The following DPYD variants were observed in gnomAD, a reference collection of about 807,000 sequenced individuals.
DPYD encodes dihydropyrimidine dehydrogenase, also known as dihydropyrimidine dehydrogenase [NADP(+)].
A neutral mutation model predicts 116.2 loss-of-function variants in DPYD; 109 were observed. That is an observed-to-expected ratio of 0.94 (90% CI 0.80 to 1.10). The LOEUF (loss-of-function observed/expected upper bound fraction) is 1.10, where lower values mean the gene tolerates loss of function less well. Among genes scored for constraint, DPYD ranks in the 50% least tolerant of loss-of-function variants. The pLI is 0.00. For missense variants in DPYD, 1,302 were observed against 1,254.5 expected (o/e 1.04, Z -0.57); for synonymous variants, 440 against 432.0 (o/e 1.02, Z -0.23).
chr1:97,552,257 C>T (rs1489672778), intron 11 of DPYD, among the ~76,000 whole-genome samples: 1 of 152,078 alleles, frequency 6.6e-6, no homozygotes, highest in Non-Finnish European at 1.5e-5. Context: ...CACTTGAGCA[C>T]AGTGAATTGT....
chr1:97,177,171 T>G (rs1015176982), intron 20 of DPYD, among the ~76,000 whole-genome samples: 3 of 152,196 alleles, frequency 2.0e-5, no homozygotes, highest in African/African-American at 7.2e-5. Context: ...AGGGCACAAT[T>G]ATATTACTGT....
intron 13 of DPYD, among the ~76,000 whole-genome samples, chr1:97,461,260 C>A (rs985885130): frequency 1.3e-5 from 2 of 152,114 alleles, no homozygotes; most frequent in African/African-American, 4.8e-5. Flanking sequence ...ATTTGGCACT[C>A]CTTAGAGTCT....
chr1:97,845,465 A>G (rs1307619594), intron 2 of DPYD, among the ~76,000 whole-genome samples: 2 of 152,054 alleles, frequency 1.3e-5, no homozygotes, highest in East Asian at 3.9e-4. Flanking sequence ...TTCTGCTGAG[A>G]GCTGGACACT....
At chr1:97,817,989 T>C (rs1363829471) in intron 3 of DPYD, among the ~76,000 whole-genome samples, 1 of 152,038 alleles carries the variant, frequency 6.6e-6, no homozygotes, top group Non-Finnish European at 1.5e-5. Flanking sequence ...GCACTTTTCT[T>C]TGGTAGCAAA....
intron 1 of DPYD, among the ~76,000 whole-genome samples, chr1:97,905,104 G>C (rs950599062): frequency 3.3e-5 from 5 of 151,922 alleles, no homozygotes; most frequent in Admixed American, 2.6e-4. Flanking sequence ...ATAGATTCTG[G>C]ATTTATTTCA....
chr1:97,172,086 A>G (rs552009852), intron 20 of DPYD, among the ~76,000 whole-genome samples: 2 of 152,334 alleles, frequency 1.3e-5, no homozygotes, highest in East Asian at 1.9e-4. Context: ...AACAGTTAAG[A>G]AATCCAGGTG....
chr1:97,706,150 C>T (rs1035697891), intron 5 of DPYD, among the ~76,000 whole-genome samples: 4 of 151,846 alleles, frequency 2.6e-5, no homozygotes, highest in African/African-American at 4.8e-5. Flanking sequence ...TAAATTCATA[C>T]ATTCTGATAA....
chr1:97,720,297 A>C (rs571361040), intron 5 of DPYD: 1 of 985,434 alleles, frequency 1.0e-6, no homozygotes. Context: ...CCTTTCACTT[A>C]CTGCATCTGT....
At chr1:97,257,634 A>C (rs969353597) in intron 18 of DPYD, among the ~76,000 whole-genome samples, 2 of 151,874 alleles carry the variant, frequency 1.3e-5, no homozygotes, top group African/African-American at 4.8e-5. Context: ...AATTTAAAAA[A>C]AGTTTCATAC....
chr1:97,196,883 A>C (rs149337356), intron 19 of DPYD, among the ~76,000 whole-genome samples: 1 of 152,220 alleles, frequency 6.6e-6, no homozygotes, highest in Non-Finnish European at 1.5e-5. Flanking sequence ...CGTTTTTAAA[A>C]ATTTAATCAA....
chr1:97,891,225 C>T (rs1411738726), intron 1 of DPYD, among the ~76,000 whole-genome samples: 2 of 151,804 alleles, frequency 1.3e-5, no homozygotes, highest in Non-Finnish European at 2.9e-5. Flanking sequence ...TAAGAAATGG[C>T]CAAAGGCACG....
At chr1:97,343,549 G>A (rs1438967737) in intron 16 of DPYD, among the ~76,000 whole-genome samples, 1 of 151,962 alleles carries the variant, frequency 6.6e-6, no homozygotes, top group Admixed American at 6.6e-5. Flanking sequence ...ATTTTGTTTT[G>A]TTGCTTCTAT....
chr1:97,251,818 T>C (rs1237273250), intron 18 of DPYD, among the ~76,000 whole-genome samples: 1 of 152,148 alleles, frequency 6.6e-6, no homozygotes, highest in African/African-American at 2.4e-5. Context: ...TCACTCTATT[T>C]AGAAAGGCAC....
chr1:97,524,585 C>T (rs1376708396), intron 12 of DPYD, among the ~76,000 whole-genome samples: 1 of 152,100 alleles, frequency 6.6e-6, no homozygotes, highest in African/African-American at 2.4e-5. Context: ...GATAACTTAC[C>T]GATATATAAC....
intron 20 of DPYD, among the ~76,000 whole-genome samples, chr1:97,110,466 T>C (rs1424971811): frequency 1.3e-5 from 2 of 152,086 alleles, no homozygotes; most frequent in Non-Finnish European, 2.9e-5. Context: ...GGAATTTGCT[T>C]CTGTCATTTT....
intron 12 of DPYD, among the ~76,000 whole-genome samples, chr1:97,533,032 C>G (rs1166923563): frequency 6.6e-6 from 1 of 151,484 alleles, no homozygotes; most frequent in Non-Finnish European, 1.5e-5. Context: ...TAAAACATCT[C>G]TTAGTACTGT....
chr1:97,081,686 CTTTCTT>C (rs1340822534), intron 22 of DPYD, among the ~76,000 whole-genome samples: 1 of 147,004 alleles, frequency 6.8e-6, no homozygotes, highest in Admixed American at 6.8e-5. Context: ...CCCAATTTTT[CTTTCTT>C]TTTCTTTTTC....
chr1:97,474,117 T>C (rs1473536171), intron 13 of DPYD, among the ~76,000 whole-genome samples: 4 of 152,014 alleles, frequency 2.6e-5, no homozygotes, highest in Admixed American at 6.5e-5. Context: ...CAATTTTATT[T>C]CTGGGTGTAT....
chr1:97,349,008 T>C (rs1669995434), intron 16 of DPYD, among the ~76,000 whole-genome samples: 1 of 152,162 alleles, frequency 6.6e-6, no homozygotes, highest in African/African-American at 2.4e-5. Flanking sequence ...TAACCTGGTG[T>C]CATTTTACAG....
Sources: allele counts gnomAD v4.1 joint callset (sites outside exome capture counted in the v4.1 genomes callset), GRCh38; gene constraint gnomAD v4.1.1; transcripts MANE v1.5; gene names NCBI Gene and HGNC (gene_info 2026-07-23, HGNC 2026-07-21).